Variants in ADAMTS18 observed in about 807,000 individuals in gnomAD.
ADAMTS18 encodes A disintegrin and metalloproteinase with thrombospondin motifs 18.
A neutral mutation model predicts 165.9 loss-of-function variants in ADAMTS18; 157 were observed. That is an observed-to-expected ratio of 0.95 (90% CI 0.83 to 1.08). The LOEUF is 1.08. Ranked by LOEUF, ADAMTS18 falls within the 50% of genes least tolerant of loss-of-function variation. The pLI, the probability that ADAMTS18 is intolerant of heterozygous loss-of-function variation, is 0.00. For missense variants in ADAMTS18, 2,040 were observed against 1,534.0 expected, an observed-to-expected ratio of 1.33 and a Z score of -5.51; for synonymous variants, 782 against 578.2, an observed-to-expected ratio of 1.35 and a Z score of -5.06.
intron 20 of ADAMTS18, among the ~76,000 whole-genome samples, chr16:77,292,577 T>TA (rs1428456422): frequency 6.6e-6 from 1 of 152,218 alleles, no homozygotes; most frequent in East Asian, 1.9e-4. Context: ...AGCTCTCCCA[T>TA]AAAATGACAG....
chr16:77,335,689 A>C, intron 12 of ADAMTS18, 67 bp downstream of exon 12: 16 of 1,594,572 alleles, frequency 1.0e-5, no homozygotes, highest in Non-Finnish European at 1.4e-5. Flanking sequence ...TATGAACAAG[A>C]AAAACCAGCG....
chr16:77,289,066 G>A (rs1404709747), intron 22 of ADAMTS18, among the ~76,000 whole-genome samples, 198 bp downstream of exon 22: 5 of 152,180 alleles, frequency 3.3e-5, no homozygotes, highest in African/African-American at 7.2e-5. Flanking sequence ...GACTGAGACT[G>A]TCTGAAAAAG....
At chr16:77,385,754 C>T (rs558126162) in intron 3 of ADAMTS18, among the ~76,000 whole-genome samples, 17 of 152,170 alleles carry the variant, frequency 1.1e-4, no homozygotes, top group Admixed American at 4.6e-4. Flanking sequence ...CAAGCTCTCC[C>T]AGGGGTGGGG....
chr16:77,400,626 C>A (rs1390187142), intron 3 of ADAMTS18, among the ~76,000 whole-genome samples: 1 of 151,802 alleles, frequency 6.6e-6, no homozygotes, highest in Admixed American at 6.6e-5. Context: ...GGACTACAGG[C>A]GCCCGTCACC....
rs567770434 is a variant in ADAMTS18 at position 77,386,094 on chromosome 16, C to T, written c.496-18371G>A. 2.9e-4 allele frequency among the ~76,000 whole-genome samples: 44 copies of T among 152,264 alleles called. No homozygotes were observed. The South Asian group carries it at 8.9e-3, about 31-fold the overall frequency. On this transcript the variant is annotated intron_variant, in intron 3 of 22. Transcript: ENST00000282849. The stretch of plus-strand genomic sequence containing the variant: ...TTATTCCACATCTGAAATTCTATTT[C>T]TTTTTCACTTGGGATGTATGTAACT...
chr16:77,333,952 A>ATG (rs2056234316), intron 12 of ADAMTS18, among the ~76,000 whole-genome samples: 2 of 142,430 alleles, frequency 1.4e-5, no homozygotes, highest in African/African-American at 5.3e-5. Context: ...ATAGTGTCAT[A>ATG]TATACTATAT....
chr16:77,320,576 T>G (rs1321462858), intron 15 of ADAMTS18, among the ~76,000 whole-genome samples: 2 of 151,672 alleles, frequency 1.3e-5, no homozygotes, highest in Non-Finnish European at 2.9e-5. Flanking sequence ...GATGTGGAGG[T>G]TGCAGTGAGC....
intron 21 of ADAMTS18, among the ~76,000 whole-genome samples, chr16:77,290,094 TGTACATATGCA>T: frequency 6.6e-6 from 1 of 152,260 alleles, no homozygotes; most frequent in African/African-American, 2.4e-5. Context: ...TTTTCTTAAA[TGTACATATGCA>T]TTATAATTGA....
intron 3 of ADAMTS18, among the ~76,000 whole-genome samples, chr16:77,400,833 G>C (rs1217753991): frequency 6.6e-6 from 1 of 152,008 alleles, no homozygotes; most frequent in Non-Finnish European, 1.5e-5. Context: ...GAATCCTCTA[G>C]AAAGCATTCT....
chr16:77,287,023 A>G (rs894472853), intron 22 of ADAMTS18, among the ~76,000 whole-genome samples: 1 of 152,158 alleles, frequency 6.6e-6, no homozygotes. Context: ...CTGGGGGACA[A>G]CAAAGCTGTT....
chr16:77,346,123 C>G (rs1282793642), intron 10 of ADAMTS18, among the ~76,000 whole-genome samples: 1 of 152,150 alleles, frequency 6.6e-6, no homozygotes, highest in Non-Finnish European at 1.5e-5. Flanking sequence ...AAGTCTTTGC[C>G]TAAATTTCAC....
chr16:77,432,498 A>T (rs1322467827), intron 2 of ADAMTS18: 1 of 152,230 alleles, frequency 6.6e-6, no homozygotes. Flanking sequence ...TTTGAAAAGC[A>T]AAGCCAGCAC....
intron 3 of ADAMTS18, among the ~76,000 whole-genome samples, chr16:77,399,332 A>G (rs1459004598): frequency 6.6e-6 from 1 of 152,192 alleles, no homozygotes; most frequent in African/African-American, 2.4e-5. Context: ...ATGGAGAGAC[A>G]CCAAGTCCTT....
chr16:77,307,544 T>C (rs1236610166), intron 16 of ADAMTS18, among the ~76,000 whole-genome samples: 2 of 152,174 alleles, frequency 1.3e-5, no homozygotes, highest in Non-Finnish European at 2.9e-5. Context: ...GAAATAGTGT[T>C]CTCTAACCCG....
In ADAMTS18 at chr16:77,435,026, T is replaced by C; in HGVS notation, c.-331A>G. On this transcript the variant is annotated 5_prime_UTR_variant, in exon 1 of 23. Coordinates refer to ENST00000282849, the MANE Select transcript of ADAMTS18 (RefSeq NM_199355.4). Reference sequence around the variant, plus strand: ...GTCTGTGCGTCTGTCTGTGTCGGTGTGAGCGTCTGAGGCGATGGGGAAGAC... The same window carrying C: ...GTCTGTGCGTCTGTCTGTGTCGGTGCGAGCGTCTGAGGCGATGGGGAAGAC... 4.9e-6 allele frequency: 1 copy of C among 204,104 alleles called. No homozygotes were observed. Among genetic ancestry groups the C allele is most frequent in the East Asian group, 1.1e-4 (1 of 8,958 alleles). The allele number at this position is 204,104 out of a possible 1,614,324, so 12.6% of individuals were successfully genotyped here. A position where few individuals can be genotyped will look rare whatever the true frequency, so the allele number is the denominator to read the frequency against.
chr16:77,300,202 G>C, intron 17 of ADAMTS18, 61 bp downstream of exon 17: 3 of 1,597,246 alleles, frequency 1.9e-6, no homozygotes, highest in Non-Finnish European at 2.6e-6. Flanking sequence ...AAGACGCCTG[G>C]AGTGAAAGAA....
intron 3 of ADAMTS18, among the ~76,000 whole-genome samples, chr16:77,404,154 C>G (rs150611081): frequency 3.8e-4 from 58 of 152,166 alleles, no homozygotes; most frequent in Non-Finnish European, 7.2e-4. Flanking sequence ...TGTCTCCTAA[C>G]AGGAGGAAGA....
intron 3 of ADAMTS18, among the ~76,000 whole-genome samples, chr16:77,419,506 ACTT>A (rs910378545): frequency 2.0e-5 from 3 of 152,068 alleles, no homozygotes; most frequent in African/African-American, 4.8e-5. Flanking sequence ...AACCTCTCTG[ACTT>A]CTTCTCCTCT....
At position 77,286,270 on chromosome 16, in the gene ADAMTS18, A is replaced by ATT. The variant is rs1192461535; in HGVS notation, c.3551-2201_3551-2200dup. Reference sequence around the variant, plus strand: ...AATAATCAAGTGGTCGTGCCTGATCATTATAATCTGAAGGTGTTTTCCTAT... The same window carrying ATT: ...AATAATCAAGTGGTCGTGCCTGATCATTTTATAATCTGAAGGTGTTTTCCTAT... On this transcript the variant is annotated intron_variant, in intron 22 of 22. Coordinates refer to ENST00000282849, the MANE Select transcript of ADAMTS18 (RefSeq NM_199355.4). 2.6e-5 allele frequency among the ~76,000 whole-genome samples: 4 copies of ATT among 152,280 alleles called. 1 individual carries two copies. The highest frequency in any genetic ancestry group is 9.6e-5 in the African/African-American group (4 of 41,560).
Sources: gnomAD v4.1 joint callset for allele counts (sites outside exome capture counted in the v4.1 genomes callset) on GRCh38, gnomAD v4.1.1 for gene constraint, MANE v1.5 for transcripts, NCBI Gene and HGNC (gene_info 2026-07-23, HGNC 2026-07-21) for gene names.